Variants in FBN1 observed in about 807,000 individuals in gnomAD.
FBN1 encodes fibrillin-1.
FBN1 carries 29 observed loss-of-function variants against 365.1 expected under a neutral mutation model. The observed-to-expected ratio is 0.08, with a 90% CI of 0.06 to 0.11. The LOEUF is 0.11. FBN1 is among the 10% of genes least tolerant of loss of function. The pLI, the probability that FBN1 is intolerant of heterozygous loss-of-function variation, is 1.00. For missense variants in FBN1, 2,476 were observed against 3,703.2 expected (o/e 0.67, Z 8.60); for synonymous variants, 1,210 against 1,270.5 (o/e 0.95, Z 1.01).
intron 6 of FBN1, among the ~76,000 whole-genome samples, chr15:48,576,712 C>G (rs2044351119): frequency 6.6e-6 from 1 of 152,234 alleles, no homozygotes; most frequent in Admixed American, 6.5e-5. Context: ...ACACACCACT[C>G]TTGTAGCTAA....
rs371959082 is a variant in FBN1, at chr15:48,427,600, G to A, written c.7171C>T (p.Pro2391Ser). The A allele has an allele frequency of 1.2e-6, 2 of 1,614,044 alleles. No individual in the cohort carries two copies. Among genetic ancestry groups the A allele is most frequent in the African/African-American group, 2.7e-5 (2 of 74,936 alleles). ...TTGGTCATGAATCCTCGGCCATGGGGACAGAGTTTCTTGAAAGCCACAGTC... is the reference window on the plus strand; with the variant it reads ...TTGGTCATGAATCCTCGGCCATGGGAACAGAGTTTCTTGAAAGCCACAGTC... The part of the protein sequence containing the change: ...QGTVAFKKLC[P>S]HGRGFMTNGA... The change falls in exon 58 of 66, where the codon CCC (proline) becomes TCC (serine). Residue 2391 changes from proline to serine, a missense_variant. Coordinates refer to ENST00000316623, the MANE Select transcript of FBN1 (RefSeq NM_000138.5).
chr15:48,618,475 G>A (rs1040700379), intron 2 of FBN1, among the ~76,000 whole-genome samples: 1 of 152,136 alleles, frequency 6.6e-6, no homozygotes, highest in Non-Finnish European at 1.5e-5. Context: ...GAAGTCAGAG[G>A]TCAAGTCTCC....
intron 42 of FBN1, 107 bp from the exon 43 acceptor site, chr15:48,460,424 T>C (rs1597543608): frequency 1.4e-6 from 1 of 729,904 alleles, no homozygotes; most frequent in Non-Finnish European, 2.5e-6. Flanking sequence ...TATTTGTCTG[T>C]AGTTTGAAGA....
At position 48,412,448 on chromosome 15, in the gene FBN1, T is replaced by C. The variant is rs1597507518; in HGVS notation, c.8226+121A>G. The C allele has an allele frequency of 1.8e-5, 18 of 985,310 alleles. No homozygotes were observed. The East Asian group carries it at 4.3e-4, about 23-fold the overall frequency. The allele number at this position is 985,310 out of a possible 1,614,324, so 61.0% of individuals were successfully genotyped here. A position where few individuals can be genotyped will look rare whatever the true frequency, so the allele number is the denominator to read the frequency against. ...AAAATACAGCCTAGAGCTCAGGGAA[T>C]GTCTGGAGTTTCTCCCTGGGGAGCT... On this transcript the variant is annotated intron_variant, in intron 65 of 65. Transcript: ENST00000316623.
chr15:48,515,324 C>T (rs2043791103), intron 12 of FBN1, 63 bp downstream of exon 12: 3 of 1,592,302 alleles, frequency 1.9e-6, no homozygotes, highest in Non-Finnish European at 8.6e-7. Context: ...AATAGAAAAC[C>T]AGTAGAGTCA....
intron 6 of FBN1, among the ~76,000 whole-genome samples, chr15:48,553,183 A>G (rs903236535): frequency 1.6e-4 from 24 of 152,158 alleles, no homozygotes; most frequent in Admixed American, 9.8e-4. Context: ...TTTTTAAATA[A>G]TTGAGATATT....
intron 23 of FBN1, among the ~76,000 whole-genome samples, chr15:48,493,146 G>A (rs1333287884): frequency 6.6e-6 from 1 of 152,088 alleles, no homozygotes; most frequent in African/African-American, 2.4e-5. Flanking sequence ...CTTGGGTTGA[G>A]GGGAATTAAA....
rs146348130 is a variant in FBN1 at position 48,534,170 on chromosome 15, G to T, written c.772C>A (p.Gln258Lys). The change falls in exon 8 of 66, where the codon CAG becomes AAG. Residue 258 changes from glutamine to lysine, a missense_variant. Transcript: ENST00000316623. ...ACAGTATTAATGCAATTTCCTCCCTGACAGAGCCCGGGGATGGCCTGGCAT... is the reference window on the plus strand; with the variant it reads ...ACAGTATTAATGCAATTTCCTCCCTTACAGAGCCCGGGGATGGCCTGGCAT... ...DECQAIPGLC[Q>K]GGNCINTVGS... 1 of 1,613,168 alleles carries T rather than the reference G, an allele frequency of 6.2e-7. No individual in the cohort carries two copies. Among genetic ancestry groups the T allele is most frequent in the Non-Finnish European group, 8.5e-7 (1 of 1,179,838 alleles).
At chr15:48,567,885 T>C (rs1158883180) in intron 6 of FBN1, among the ~76,000 whole-genome samples, 1 of 151,982 alleles carries the variant, frequency 6.6e-6, no homozygotes, top group African/African-American at 2.4e-5. Context: ...AATGCTTTCT[T>C]TCTAATATCA....
rs572479986 is a variant in FBN1 at position 48,465,776 on chromosome 15, G to A, written c.4816+14C>T. ...CAAGTTGTGTGTGCTTTAAGACAAA[G>A]GAAACACAATTACCTTCCAATATAA... is the stretch of plus-strand genomic sequence containing the variant. On this transcript the variant is annotated intron_variant, in intron 39 of 65. Transcript: ENST00000316623. 8.9e-5 allele frequency: 143 copies of A among 1,613,136 alleles called. 2 individuals are homozygous for A. In the South Asian group the frequency reaches 1.5e-3, roughly 17 times the overall value.
At chr15:48,630,444 G>T (rs1189077237) in intron 2 of FBN1, among the ~76,000 whole-genome samples, 1 of 152,166 alleles carries the variant, frequency 6.6e-6, no homozygotes, top group Non-Finnish European at 1.5e-5. Flanking sequence ...ATGCAAATGA[G>T]CAGATGAGTC....
At chr15:48,489,643 T>G (rs1015110222) in intron 25 of FBN1, among the ~76,000 whole-genome samples, 5 of 152,096 alleles carry the variant, frequency 3.3e-5, no homozygotes, top group African/African-American at 9.7e-5. Context: ...AAACTATCTC[T>G]CCATACAGAA....
At chr15:48,612,788 T>A (rs1202046034) in intron 3 of FBN1, among the ~76,000 whole-genome samples, 1 of 152,166 alleles carries the variant, frequency 6.6e-6, no homozygotes, top group Non-Finnish European at 1.5e-5. Context: ...CATATGTAAA[T>A]GACACAACCT....
chr15:48,453,543 G>C (rs958216887), intron 44 of FBN1, among the ~76,000 whole-genome samples: 1 of 152,042 alleles, frequency 6.6e-6, no homozygotes, highest in African/African-American at 2.4e-5. Flanking sequence ...AGGGCAATGA[G>C]ATTATTCTAT....
chr15:48,468,013 A>G lies in FBN1; in HGVS notation c.4672T>C (p.Ser1558Pro). ...ACSNEIGVGVSKASCCCSLGK... is the reference protein window; with the variant it reads ...ACSNEIGVGVPKASCCCSLGK... ...AGAGAACAGCAGCAGGAAGCTTTGG[A>G]AACACCAACTCCAATTTCATTGCTG... Residue 1558 changes from serine (S) to proline (P), a missense_variant, in exon 38 of 66, where the codon TCC (serine) becomes CCC (proline). Coordinates refer to ENST00000316623, the MANE Select transcript of FBN1 (RefSeq NM_000138.5). 6.2e-7 allele frequency: 1 copy of G among 1,614,184 alleles called. No homozygotes were observed. Among genetic ancestry groups the G allele is most frequent in the East Asian group, 2.2e-5 (1 of 44,876 alleles).
intron 8 of FBN1, chr15:48,529,517 C>G (rs1233498734): frequency 6.6e-6 from 1 of 152,276 alleles, no homozygotes; most frequent in African/African-American, 2.4e-5. Context: ...GGACAGGCAT[C>G]ACCATCTATT....
At chr15:48,537,182 GAAAC>G (rs1490300262) in intron 7 of FBN1, among the ~76,000 whole-genome samples, 1 of 152,136 alleles carries the variant, frequency 6.6e-6, no homozygotes, top group Non-Finnish European at 1.5e-5. Context: ...AATGTCGAGA[GAAAC>G]AATTTTCTTC....
intron 6 of FBN1, among the ~76,000 whole-genome samples, chr15:48,577,845 A>G (rs1220367376): frequency 6.6e-6 from 1 of 152,162 alleles, no homozygotes; most frequent in African/African-American, 2.4e-5. Flanking sequence ...GCCTTCCTAC[A>G]AGGTCTCAGG....
intron 6 of FBN1, among the ~76,000 whole-genome samples, chr15:48,549,994 A>G (rs73394242): frequency 0.02 from 3,075 of 152,326 alleles, 92 homozygotes; most frequent in African/African-American, 0.066. Context: ...CCCAAACGGC[A>G]GCAGGCATTT....
Sources: allele counts gnomAD v4.1 joint callset (sites outside exome capture counted in the v4.1 genomes callset), GRCh38; gene constraint gnomAD v4.1.1; transcripts MANE v1.5; gene names NCBI Gene and HGNC (gene_info 2026-07-23, HGNC 2026-07-21).